Variants in PCDH7 observed in about 807,000 individuals in gnomAD.
The protein encoded by PCDH7 is protocadherin-7.
Under a neutral mutation model 58.9 loss-of-function variants are expected in PCDH7, and 17 were observed. That is an observed-to-expected ratio of 0.29 (90% CI 0.20 to 0.43). PCDH7 has a LOEUF of 0.43. PCDH7 is among the 20% of genes least tolerant of loss of function. The probability of loss-of-function intolerance (pLI) is 1.00; values close to 1 mark genes in which losing one functional copy is unlikely to be tolerated. For missense variants in PCDH7, 1,274 were observed against 1,441.0 expected, an observed-to-expected ratio of 0.88 and a Z score of 1.88; for synonymous variants, 664 against 616.4, an observed-to-expected ratio of 1.08 and a Z score of -1.14.
At chr4:30,968,228 C>T (rs1286360448) in intron 3 of PCDH7, among the ~76,000 whole-genome samples, 2 of 149,240 alleles carry the variant, frequency 1.3e-5, no homozygotes, top group East Asian at 3.9e-4. Context: ...GGAGTCCTCA[C>T]CCTACACAAA....
intron 3 of PCDH7, among the ~76,000 whole-genome samples, chr4:31,138,821 A>C (rs1719918529): frequency 6.6e-6 from 1 of 152,092 alleles, no homozygotes; most frequent in African/African-American, 2.4e-5. Flanking sequence ...GAAACAATAC[A>C]AAAATTAGCC....
intron 3 of PCDH7, among the ~76,000 whole-genome samples, chr4:31,044,454 A>C (rs1756126947): frequency 6.6e-6 from 1 of 152,058 alleles, no homozygotes; most frequent in Non-Finnish European, 1.5e-5. Context: ...TTTTAAGTGT[A>C]ATTATCAGCA....
intron 3 of PCDH7, among the ~76,000 whole-genome samples, chr4:31,081,488 G>A (rs1759502212): frequency 6.6e-6 from 1 of 152,046 alleles, no homozygotes; most frequent in African/African-American, 2.4e-5. Flanking sequence ...TCTTAATATG[G>A]CCCTTAAATT....
intron 3 of PCDH7, among the ~76,000 whole-genome samples, chr4:31,121,712 C>T (rs1036182597): frequency 3.3e-5 from 5 of 151,994 alleles, no homozygotes; most frequent in African/African-American, 7.2e-5. Context: ...TAGAAGAAAA[C>T]GCGTCTCTCA....
chr4:30,809,591 A>G (rs1577891971), intron 1 of PCDH7, among the ~76,000 whole-genome samples: 1 of 152,232 alleles, frequency 6.6e-6, no homozygotes, highest in African/African-American at 2.4e-5. Flanking sequence ...ATAGGACAAC[A>G]ATGATTGTCC....
At chr4:30,747,266 G>A (rs1490834831) in intron 1 of PCDH7, among the ~76,000 whole-genome samples, 4 of 152,126 alleles carry the variant, frequency 2.6e-5, no homozygotes, top group African/African-American at 7.2e-5. Flanking sequence ...TGGCTAATGC[G>A]TCTAATTATA....
intron 3 of PCDH7, among the ~76,000 whole-genome samples, chr4:31,121,713 G>A (rs950862840): frequency 1.3e-5 from 2 of 152,062 alleles, no homozygotes; most frequent in Non-Finnish European, 2.9e-5. Context: ...AGAAGAAAAC[G>A]CGTCTCTCAT....
chr4:30,906,584 C>T (rs879297682), intron 1 of PCDH7, among the ~76,000 whole-genome samples: 7 of 152,076 alleles, frequency 4.6e-5, no homozygotes, highest in Non-Finnish European at 7.4e-5. Context: ...AGTGTGTAAA[C>T]ATTTTAATAC....
In PCDH7 at chr4:30,721,704, G is replaced by C; in HGVS notation, c.282G>C (p.Glu94Asp). The C allele has an allele frequency of 6.2e-7, 1 of 1,614,078 alleles. No individual in the cohort carries two copies. The highest frequency in any genetic ancestry group is 8.5e-7 in the Non-Finnish European group (1 of 1,180,030). Reference sequence around the variant, plus strand: ...CGAGCGAGCGGCGCATCGACCGCGAGAAGCTGCCCCAGTGTCAGATGATCT... The same window carrying C: ...CGAGCGAGCGGCGCATCGACCGCGACAAGCTGCCCCAGTGTCAGATGATCT... Residue 94 changes from glutamate (E) to aspartate (D), a missense_variant, in exon 1 of 2, where the codon GAG becomes GAC. Around this residue, in one of 3 missense-constraint regions of PCDH7, gnomAD observed 212 missense variants for 255.8 expected, o/e 0.83. Coordinates refer to ENST00000361762, the Ensembl canonical transcript of PCDH7. The surrounding 1 kb of genome is among the most constrained non-coding windows in gnomAD (Gnocchi z 6.7).
chr4:30,889,046 C>T (rs561329223), intron 1 of PCDH7, among the ~76,000 whole-genome samples: 22 of 145,654 alleles, frequency 1.5e-4, no homozygotes, highest in South Asian at 6.7e-4. Context: ...CCAGGCTTGG[C>T]GGTGCATGCC....
chr4:30,857,408 A>G (rs1214045037), intron 1 of PCDH7, among the ~76,000 whole-genome samples: 2 of 152,120 alleles, frequency 1.3e-5, no homozygotes, highest in Non-Finnish European at 1.5e-5. Flanking sequence ...TAACCTTTAT[A>G]AAGGATGTGG....
chr4:31,029,356 C>A (rs913471321), intron 3 of PCDH7, among the ~76,000 whole-genome samples: 7 of 152,238 alleles, frequency 4.6e-5, no homozygotes, highest in South Asian at 4.1e-4. Context: ...AACATCAAAA[C>A]AGAGTCAGAA....
intron 1 of PCDH7, among the ~76,000 whole-genome samples, chr4:30,784,603 C>T (rs1332589093): frequency 6.6e-6 from 1 of 151,972 alleles, no homozygotes; most frequent in African/African-American, 2.4e-5. Flanking sequence ...CATTTGACAC[C>T]TATAATTTCC....
At chr4:31,117,203 C>T (rs774977929) in intron 3 of PCDH7, among the ~76,000 whole-genome samples, 1 of 151,970 alleles carries the variant, frequency 6.6e-6, no homozygotes, top group African/African-American at 2.4e-5. Context: ...TAATATATGC[C>T]AGATTGTGTT....
chr4:30,979,353 A>G (rs184492856), intron 3 of PCDH7, among the ~76,000 whole-genome samples: 2 of 151,896 alleles, frequency 1.3e-5, no homozygotes, highest in Admixed American at 1.3e-4. Flanking sequence ...AAAAAAGAAA[A>G]AAAAATTTGG....
At chr4:31,015,633 T>A (rs1049613427) in intron 3 of PCDH7, among the ~76,000 whole-genome samples, 1 of 152,214 alleles carries the variant, frequency 6.6e-6, no homozygotes, top group Admixed American at 6.5e-5. Flanking sequence ...AACTCCCTCA[T>A]AAGCCTTTAC....
chr4:31,092,338 G>A (rs1223333751), intron 3 of PCDH7, among the ~76,000 whole-genome samples: 2 of 151,872 alleles, frequency 1.3e-5, no homozygotes, highest in Non-Finnish European at 2.9e-5. Context: ...GAAAAACTGA[G>A]GAATTAGAAA....
At chr4:30,851,386 G>A (rs1327652095) in intron 1 of PCDH7, among the ~76,000 whole-genome samples, 3 of 151,914 alleles carry the variant, frequency 2.0e-5, no homozygotes, top group Admixed American at 1.3e-4. Context: ...AAGTTTACCA[G>A]GCTCCCAAAT....
At chr4:31,025,405 C>T (rs1195703538) in intron 3 of PCDH7, among the ~76,000 whole-genome samples, 1 of 152,192 alleles carries the variant, frequency 6.6e-6, no homozygotes, top group African/African-American at 2.4e-5. Flanking sequence ...AATCCCAACT[C>T]TGGCAGAGTG....
Sources: allele counts gnomAD v4.1 joint callset (sites outside exome capture counted in the v4.1 genomes callset), GRCh38; gene constraint gnomAD v4.1.1; regional missense constraint gnomAD v4.1.1; non-coding constraint Gnocchi (gnomAD v3.1); transcripts MANE v1.5; gene names NCBI Gene and HGNC (gene_info 2026-07-23, HGNC 2026-07-21).